The following MAOB variants were observed in gnomAD, a reference collection of about 807,000 sequenced individuals.
MAOB encodes the protein monoamine oxidase B, also known as amine oxidase [flavin-containing] B.
In MAOB, 15 loss-of-function variants were observed where a neutral mutation model predicts 41.9. That is an observed-to-expected ratio of 0.36 (90% CI 0.24 to 0.55). The LOEUF is 0.55. Among genes scored for constraint, MAOB ranks in the 20% least tolerant of loss-of-function variants. The pLI, the probability that MAOB is intolerant of heterozygous loss-of-function variation, is 0.86. For missense variants in MAOB, 345 were observed against 398.7 expected, an observed-to-expected ratio of 0.87 and a Z score of 1.15; for synonymous variants, 167 against 144.2, an observed-to-expected ratio of 1.16 and a Z score of -1.13.
chrX:43,823,800 A>G (rs2034911591), intron 3 of MAOB, among the ~76,000 whole-genome samples: 1 of 112,105 alleles, frequency 8.9e-6, no homozygotes, highest in Non-Finnish European at 1.9e-5. Flanking sequence ...TCACTGTGCT[A>G]GTATTTTCTC....
chrX:43,810,157 G>A (rs1254541173), intron 3 of MAOB, among the ~76,000 whole-genome samples: 5 of 93,873 alleles, frequency 5.3e-5, no homozygotes, highest in Non-Finnish European at 1.0e-4. Flanking sequence ...GCAGGAGAAT[G>A]GCGTGAACCC....
At position 43,767,265 on chromosome X, in the gene MAOB, T is replaced by C; in HGVS notation, c.*201A>G. On this transcript the variant is annotated 3_prime_UTR_variant, in exon 15 of 15. Transcript: ENST00000378069. The stretch of plus-strand genomic sequence containing the variant: ...CTTGGAAACTGGTGAAACAGAACGC[T>C]AAGCCAGGTAAGGGACACTAAGCAG... 2.7e-6 allele frequency: 1 copy of C among 372,981 alleles called. No homozygotes were observed. The highest frequency in any genetic ancestry group is 4.5e-6 in the Non-Finnish European group (1 of 220,118). The allele number at this position is 372,981 out of a possible 1,213,427, so 30.7% of individuals were successfully genotyped here. A position where few individuals can be genotyped will look rare whatever the true frequency, so the allele number is the denominator to read the frequency against.
At chrX:43,859,041 C>T (rs192681186) in intron 1 of MAOB, among the ~76,000 whole-genome samples, 117 of 111,060 alleles carry the variant, frequency 1.1e-3, no homozygotes, top group African/African-American at 3.4e-3. Flanking sequence ...GTGAGACGCC[C>T]TGAATGCAGT....
intron 3 of MAOB, among the ~76,000 whole-genome samples, chrX:43,829,458 C>T (rs1287928631): frequency 1.8e-5 from 2 of 112,251 alleles, no homozygotes; most frequent in East Asian, 2.8e-4. Context: ...GAATTTATTG[C>T]GCAGTGTCTT....
chrX:43,873,703 A>T (rs1393635855), intron 1 of MAOB, among the ~76,000 whole-genome samples: 1 of 110,558 alleles, frequency 9.0e-6, no homozygotes, highest in Non-Finnish European at 1.9e-5. Context: ...TTTGAGATGG[A>T]GTCTGTCTCT....
At chrX:43,881,897 AGGTCAAGTTGGAGCAAATGACTGAC>A (rs1433040714) in intron 1 of MAOB, among the ~76,000 whole-genome samples, 1 of 111,822 alleles carries the variant, frequency 8.9e-6, no homozygotes, top group African/African-American at 3.3e-5. Context: ...CGGAGTGTCC[AGGTCAAGTTGGAGCAAATGACTGAC>A]CTTTGTGCCA....
At chrX:43,817,185 A>C (rs2034825333) in intron 3 of MAOB, among the ~76,000 whole-genome samples, 1 of 107,443 alleles carries the variant, frequency 9.3e-6, no homozygotes, top group African/African-American at 3.4e-5. Context: ...ACTACTGACC[A>C]AAACGATTCT....
At chrX:43,805,662 T>A (rs1163711098) in intron 3 of MAOB, among the ~76,000 whole-genome samples, 3 of 112,396 alleles carry the variant, frequency 2.7e-5, no homozygotes, top group African/African-American at 9.7e-5. Flanking sequence ...TATGGATGCA[T>A]CACGGTTTGT....
At chrX:43,862,575 T>C (rs1422103691) in intron 1 of MAOB, among the ~76,000 whole-genome samples, 1 of 111,946 alleles carries the variant, frequency 8.9e-6, no homozygotes, top group African/African-American at 3.3e-5. Flanking sequence ...TTCAAGGAAG[T>C]CTACTTATTG....
At chrX:43,801,023 T>C (rs1307351153) in intron 5 of MAOB, among the ~76,000 whole-genome samples, 1 of 110,403 alleles carries the variant, frequency 9.1e-6, no homozygotes, top group Non-Finnish European at 1.9e-5. Flanking sequence ...TCTTCTACTA[T>C]TGGGCTTTCA....
rs147455229 is a variant in MAOB, at chrX:43,837,701, G to A, written c.279+1167C>T. 3.2e-4 allele frequency among the ~76,000 whole-genome samples: 36 copies of A among 112,191 alleles called. No homozygotes were observed. The East Asian group carries it at 6.7e-3, about 21-fold the overall frequency. On this transcript the variant is annotated intron_variant, in intron 3 of 14. Transcript: ENST00000378069. ...ATTGTTATATAAATCAAAATTGACCGTTGCTAGTTTCTTCTGTCTTCTAAG... is the reference window on the plus strand; with the variant it reads ...ATTGTTATATAAATCAAAATTGACCATTGCTAGTTTCTTCTGTCTTCTAAG...
At chrX:43,836,458 G>A (rs1412521026) in intron 3 of MAOB, among the ~76,000 whole-genome samples, 2 of 112,087 alleles carry the variant, frequency 1.8e-5, no homozygotes, top group Non-Finnish European at 1.9e-5. Flanking sequence ...CCTTTGTCAA[G>A]ACTGCAGAAA....
At chrX:43,856,080 C>T (rs1325524076) in intron 1 of MAOB, among the ~76,000 whole-genome samples, 2 of 111,581 alleles carry the variant, frequency 1.8e-5, no homozygotes, top group African/African-American at 6.5e-5. Context: ...TTTTAAGCAG[C>T]GTTCAACTTT....
intron 3 of MAOB, among the ~76,000 whole-genome samples, chrX:43,828,506 G>A (rs748943895): frequency 2.8e-5 from 3 of 108,965 alleles, no homozygotes; most frequent in African/African-American, 6.7e-5. Context: ...TGGTCAAATG[G>A]AGATAAAAAG....
intron 9 of MAOB, 80 bp downstream of exon 9, chrX:43,781,368 G>A (rs2034329824): frequency 1.8e-6 from 1 of 542,700 alleles, no homozygotes; most frequent in Non-Finnish European, 2.7e-6. Context: ...ACTTAACAAA[G>A]TTTGGGGCAC....
At chrX:43,835,931 C>A (rs906445166) in intron 3 of MAOB, among the ~76,000 whole-genome samples, 17 of 111,506 alleles carry the variant, frequency 1.5e-4, no homozygotes, top group African/African-American at 5.5e-4. Flanking sequence ...CATTATCAGC[C>A]ACATAAAAAA....
chrX:43,840,858 C>T (rs1490326876), intron 2 of MAOB, among the ~76,000 whole-genome samples: 2 of 107,417 alleles, frequency 1.9e-5, no homozygotes, highest in Non-Finnish European at 3.8e-5. Flanking sequence ...CAAAACTGGG[C>T]GGCCATTTGG....
intron 8 of MAOB, among the ~76,000 whole-genome samples, chrX:43,791,767 A>T (rs2034465984): frequency 8.9e-6 from 1 of 111,959 alleles, no homozygotes; most frequent in Non-Finnish European, 1.9e-5. Context: ...AAAAAAAAAA[A>T]AATTAATTAA....
At chrX:43,880,744 AG>A (rs1373500228) in intron 1 of MAOB, among the ~76,000 whole-genome samples, 1 of 112,154 alleles carries the variant, frequency 8.9e-6, no homozygotes, top group Non-Finnish European at 1.9e-5. Flanking sequence ...TTGAACCTGA[AG>A]GTGTGGAGTA....
Sources: gnomAD v4.1 joint callset for allele counts (sites outside exome capture counted in the v4.1 genomes callset) on GRCh38, gnomAD v4.1.1 for gene constraint, MANE v1.5 for transcripts, NCBI Gene and HGNC (gene_info 2026-07-23, HGNC 2026-07-21) for gene names.